NCOR2: variants seen among roughly 807,000 people sequenced by gnomAD.
The protein encoded by NCOR2 is CTG repeat protein 26.
In NCOR2, 81 loss-of-function variants were observed where a neutral mutation model predicts 262.9. The ratio of observed to expected loss-of-function variants is 0.31; its 90% CI spans 0.26 to 0.37. The LOEUF is 0.37. NCOR2 is among the 10% of genes least tolerant of loss of function. The probability of loss-of-function intolerance (pLI) is 1.00; values close to 1 mark genes in which losing one functional copy is unlikely to be tolerated. For synonymous variants in NCOR2, 1,659 were observed against 1,559.3 expected, an observed-to-expected ratio of 1.06 and a Z score of -1.51; for missense variants, 3,385 against 3,621.4, an observed-to-expected ratio of 0.93 and a Z score of 1.68.
chr12:124,439,413 CCA>C, intron 7 of NCOR2, among the ~76,000 whole-genome samples: 1 of 126,126 alleles, frequency 7.9e-6, no homozygotes, highest in Non-Finnish European at 1.7e-5. Flanking sequence ...AGACAGAGAC[CCA>C]GAGAGAGAGA....
intron 1 of NCOR2, among the ~76,000 whole-genome samples, chr12:124,532,266 C>G (rs2050840420): frequency 6.6e-6 from 1 of 152,128 alleles, no homozygotes; most frequent in African/African-American, 2.4e-5. Context: ...AGGCTGCACC[C>G]CCCACCCACC....
chr12:124,419,381 T>G (rs1420736093), intron 13 of NCOR2, among the ~76,000 whole-genome samples: 1 of 152,172 alleles, frequency 6.6e-6, no homozygotes, highest in Non-Finnish European at 1.5e-5. Context: ...CCAATAAAAC[T>G]TTATTCACAA....
rs575858072 is a variant in NCOR2 at position 124,334,261 on chromosome 12, C to T, written c.6605+163G>A. ...CATCAGCTATTATTCGTTATGTATC[C>T]GCTCTGTGACTCCCCCATCTCCTGG... On this transcript the variant is annotated intron_variant, in intron 41 of 46. Transcript: ENST00000405201. The T allele has an allele frequency of 1.4e-4, 76 of 542,184 alleles. No homozygotes were observed. In the East Asian group the frequency reaches 1.9e-3, roughly 13 times the overall value. The allele number at this position is 542,184 out of a possible 1,614,324, so 33.6% of individuals were successfully genotyped here. A position where few individuals can be genotyped will look rare whatever the true frequency, so the allele number is the denominator to read the frequency against.
chr12:124,354,214 TG>T lies in NCOR2; in HGVS notation c.3590-19del. ...AGCTGTCCCTGGAAGACACAAGATG[TG>T]GGGCTGAGGGCGTGTCTGTGGCCCT... On this transcript the variant is annotated intron_variant, in intron 26 of 46. Coordinates refer to ENST00000405201, the Ensembl canonical transcript of NCOR2. The T allele has an allele frequency of 1.3e-6, 2 of 1,575,452 alleles. No homozygotes were observed. The highest frequency in any genetic ancestry group is 8.6e-7 in the Non-Finnish European group (1 of 1,164,294).
intron 13 of NCOR2, among the ~76,000 whole-genome samples, chr12:124,410,867 C>T (rs2042540861): frequency 6.6e-6 from 1 of 152,098 alleles, no homozygotes; most frequent in Admixed American, 6.5e-5. Context: ...GCAAGGGGAA[C>T]AAGGTCACCA....
chr12:124,543,707 G>A (rs541994819), intron 1 of NCOR2, among the ~76,000 whole-genome samples: 4 of 152,340 alleles, frequency 2.6e-5, no homozygotes, highest in East Asian at 1.9e-4. Context: ...AGGGGGACGC[G>A]GGCTCTGTCG....
At chr12:124,358,085 A>ATGTG (rs56331447) in intron 22 of NCOR2, among the ~76,000 whole-genome samples, 13 of 129,466 alleles carry the variant, frequency 1.0e-4, no homozygotes, top group East Asian at 2.5e-4. Context: ...GTAACCTGTG[A>ATGTG]TGTGTGTGTG....
exon 24 of NCOR2, chr12:124,355,554 C>T (rs2135920516): frequency 6.3e-7 from 1 of 1,580,708 alleles, no homozygotes; most frequent in Non-Finnish European, 8.6e-7. Flanking sequence ...TCATGGAGGC[C>T]CAGGGGCAGT....
chr12:124,503,608 A>ACGGG lies in NCOR2; in HGVS notation c.-117-8241_-117-8240insCCCG. Among the ~76,000 whole-genome samples, 1 of 146,300 alleles carries ACGGG rather than the reference A, an allele frequency of 6.8e-6. No individual in the cohort carries two copies. On this transcript the variant is annotated intron_variant, in intron 1 of 46. Coordinates refer to the NCOR2 transcript ENST00000404621. The surrounding 1 kb of genome is among the most constrained non-coding windows in gnomAD (Gnocchi z 4.3). The stretch of plus-strand genomic sequence containing the variant: ...GATGGACGGATGGATGGATGGACGG[A>ACGGG]CGGACGGATGGATGGATGGATGGAT...
In NCOR2 at chr12:124,387,630, G is replaced by A. The variant is rs563901145; in HGVS notation, c.1877-1743C>T. 4.6e-5 allele frequency among the ~76,000 whole-genome samples: 7 copies of A among 152,332 alleles called. No individual in the cohort carries two copies. The South Asian group carries it at 1.2e-3, about 27-fold the overall frequency. The stretch of plus-strand genomic sequence containing the variant: ...TGGGAGCCACGTGGCCTCACAGCCC[G>A]CTCCTCAGGGTTCCTCAAGGACAGG... On this transcript the variant is annotated intron_variant, in intron 16 of 46. Coordinates refer to ENST00000405201, the Ensembl canonical transcript of NCOR2.
intron 14 of NCOR2, among the ~76,000 whole-genome samples, chr12:124,401,372 G>A (rs575979432): frequency 2.6e-5 from 4 of 152,326 alleles, no homozygotes; most frequent in South Asian, 4.1e-4. Context: ...TTCTGGGCTG[G>A]TGGTTATCTG....
Position 124,325,613 on chromosome 12 carries a change from G to A in NCOR2, c.7364-30C>T, listed in dbSNP as rs1007141158. 78 of 1,262,158 alleles carry A rather than the reference G, an allele frequency of 6.2e-5. No individual in the cohort carries two copies. In the East Asian group the frequency reaches 2.4e-3, roughly 39 times the overall value. 78.2% of individuals were successfully genotyped at this position (1,262,158 alleles called of 1,614,324 possible). ...GGGAAGAAGCGAAAGATGCCCAGGA[G>A]GCCTCTGTGAGCCCGGCAGCCCCTG... On this transcript the variant is annotated intron_variant, in intron 46 of 46. Coordinates refer to ENST00000405201, the Ensembl canonical transcript of NCOR2.
intron 24 of NCOR2, 74 bp from the exon 27 acceptor site, chr12:124,355,013 T>A: frequency 1.5e-6 from 2 of 1,333,672 alleles, no homozygotes; most frequent in Non-Finnish European, 2.1e-6. Context: ...CTGACGCTCC[T>A]GTTCAAAAAG....
rs1259417235 is a variant in NCOR2, at chr12:124,531,846, C to G, written c.-118+3719G>C. Reference sequence around the variant, plus strand: ...CCCAGCCCCCACCCACACCGGACCCCTCACCCCAATGTATAGACAATCCCA... The same window carrying G: ...CCCAGCCCCCACCCACACCGGACCCGTCACCCCAATGTATAGACAATCCCA... On this transcript the variant is annotated intron_variant, in intron 1 of 46. Transcript: ENST00000404621. The surrounding 1 kb of genome is among the most constrained non-coding windows in gnomAD (Gnocchi z 4.5). 6.6e-6 allele frequency among the ~76,000 whole-genome samples: 1 copy of G among 151,896 alleles called. No individual in the cohort carries two copies. Among genetic ancestry groups the G allele is most frequent in the East Asian group, 1.9e-4 (1 of 5,142 alleles).
intron 5 of NCOR2, among the ~76,000 whole-genome samples, chr12:124,461,680 C>T (rs189585957): frequency 6.6e-6 from 1 of 152,376 alleles, no homozygotes; most frequent in East Asian, 1.9e-4. Flanking sequence ...ACACCCGCCC[C>T]ACACCCGCCA....
exon 31 of NCOR2, chr12:124,346,733 T>A (rs1477054953): frequency 6.4e-7 from 1 of 1,561,172 alleles, no homozygotes; most frequent in South Asian, 1.2e-5. Context: ...CTGCGTCTTG[T>A]AGGCCTCGGT....
intron 12 of NCOR2, 64 bp downstream of exon 14, chr12:124,422,437 C>T (rs573061181): frequency 1.3e-6 from 2 of 1,597,596 alleles, no homozygotes; most frequent in African/African-American, 1.3e-5. Flanking sequence ...GGCCTCCACC[C>T]TGAGTCCACG....
chr12:124,567,259 G>C (rs960229973), intron 1 of NCOR2, 49 bp downstream of exon 1: 43 of 152,082 alleles, frequency 2.8e-4, no homozygotes, highest in African/African-American at 9.4e-4. Flanking sequence ...CCGGAAGCGC[G>C]CTCCGCGCCT....
chr12:124,453,290 C>A (rs932439499), intron 6 of NCOR2, among the ~76,000 whole-genome samples: 1 of 152,196 alleles, frequency 6.6e-6, no homozygotes, highest in African/African-American at 2.4e-5. Flanking sequence ...GTCCCTCACC[C>A]CCAGGCCTTA....
Sources: gnomAD v4.1 joint callset for allele counts (sites outside exome capture counted in the v4.1 genomes callset) on GRCh38, gnomAD v4.1.1 for gene constraint, Gnocchi (gnomAD v3.1) non-coding constraint, MANE v1.5 for transcripts, NCBI Gene and HGNC (gene_info 2026-07-23, HGNC 2026-07-21) for gene names.